HLA-DMB: variants seen among roughly 807,000 people sequenced by gnomAD.
HLA-DMB encodes the protein HLA class II histocompatibility antigen, DM beta chain.
In HLA-DMB, 18 loss-of-function variants were observed where a neutral mutation model predicts 29.3. The observed-to-expected ratio is 0.62, with a 90% CI of 0.43 to 0.91. HLA-DMB has a LOEUF of 0.91. HLA-DMB is among the 40% of genes least tolerant of loss of function. HLA-DMB has a pLI of 0.00. For synonymous variants in HLA-DMB, 143 were observed against 128.7 expected, an observed-to-expected ratio of 1.11 and a Z score of -0.75; for missense variants, 258 against 320.9, an observed-to-expected ratio of 0.80 and a Z score of 1.50.
intron 1 of HLA-DMB, 64 bp from the exon 2 acceptor site, chr6:32,939,029 A>T (rs183828064): frequency 1.0e-6 from 1 of 956,594 alleles, no homozygotes; most frequent in East Asian, 3.3e-5. Flanking sequence ...TAAATAAATA[A>T]ATATATAAAT....
chr6:32,937,216 A>C lies in HLA-DMB; in HGVS notation c.578T>G (p.Val193Gly). Residue 193 changes from valine to glycine, a missense_variant, in exon 3 of 6, where the codon GTG (valine) becomes GGG (glycine). Val to Gly is a moderately radical substitution (Grantham distance 109, BLOSUM62 -3). Coordinates refer to ENST00000418107, the MANE Select transcript of HLA-DMB (RefSeq NM_002118.5). This position sits in a 1 kb window ranked among gnomAD's most constrained non-coding sequence, Gnocchi z 4.1. ...CTCAGGAGCCCCAGTGTGCTCTACCACACAGGTGTAAGTGTCCCCGTAAGA... is the reference window on the plus strand; with the variant it reads ...CTCAGGAGCCCCAGTGTGCTCTACCCCACAGGTGTAAGTGTCCCCGTAAGA... ...TPSYGDTYTCVVEHTGAPEPI... is the reference protein window; with the variant it reads ...TPSYGDTYTCGVEHTGAPEPI... 6.2e-7 allele frequency: 1 copy of C among 1,611,846 alleles called. No homozygotes were observed. Among genetic ancestry groups the C allele is most frequent in the Non-Finnish European group, 8.5e-7 (1 of 1,178,290 alleles).
chr6:32,938,449 C>T, intron 2 of HLA-DMB: 1 of 406,762 alleles, frequency 2.5e-6, no homozygotes, highest in Non-Finnish European at 4.3e-6. Flanking sequence ...GCATAAGCTC[C>T]CCACATGGCA....
Position 32,938,673 on chromosome 6 carries a change from T to G in HLA-DMB, c.337+11A>C. On this transcript the variant is annotated intron_variant, in intron 2 of 5. Transcript: ENST00000418107. ...CTTCCTGGTAGCCCCTCTGCACCCC[T>G]CTCTCCTCACGTGTCCTGTTGGTCA... is the stretch of plus-strand genomic sequence containing the variant. 6.8e-7 allele frequency: 1 copy of G among 1,480,774 alleles called. No individual in the cohort carries two copies. The highest frequency in any genetic ancestry group is 9.0e-7 in the Non-Finnish European group (1 of 1,108,706). The allele number at this position is 1,480,774 out of a possible 1,614,324, so 91.7% of individuals were successfully genotyped here.
intron 3 of HLA-DMB, chr6:32,936,017 G>A (rs543972896): frequency 4.0e-5 from 10 of 251,190 alleles, no homozygotes; most frequent in South Asian, 3.1e-4. Context: ...AACAATGTTT[G>A]CTTCCTTACT....
At chr6:32,936,016 T>G (rs1451048252) in intron 3 of HLA-DMB, 1 of 254,956 alleles carries the variant, frequency 3.9e-6, no homozygotes, top group Non-Finnish European at 7.5e-6. Context: ...TAACAATGTT[T>G]GCTTCCTTAC....
intron 1 of HLA-DMB, among the ~76,000 whole-genome samples, chr6:32,939,630 G>A (rs1052614646): frequency 6.6e-6 from 1 of 152,162 alleles, no homozygotes; most frequent in African/African-American, 2.4e-5. Context: ...GATATGGAAT[G>A]TTTCCAACAC....
intron 1 of HLA-DMB, among the ~76,000 whole-genome samples, chr6:32,940,432 T>C (rs1776286297): frequency 2.0e-5 from 3 of 152,196 alleles, no homozygotes; most frequent in Non-Finnish European, 4.4e-5. Flanking sequence ...GTCAGCCTTG[T>C]ATTGTGCTGG....
intron 1 of HLA-DMB, among the ~76,000 whole-genome samples, chr6:32,939,938 G>T (rs984120676): frequency 6.6e-6 from 1 of 151,876 alleles, no homozygotes; most frequent in Non-Finnish European, 1.5e-5. Context: ...CAGTCTTATG[G>T]GACTGAGTCT....
rs763641942 is a variant in HLA-DMB, at chr6:32,938,891, T to C, written c.130A>G (p.Ile44Val). The C allele has an allele frequency of 6.2e-7, 1 of 1,611,496 alleles. No homozygotes were observed. The highest frequency in any genetic ancestry group is 8.5e-7 in the Non-Finnish European group (1 of 1,179,402). Residue 44 changes from isoleucine (I) to valine (V), a missense_variant, in exon 2 of 6, where the codon ATC becomes GTC. Ile to Val is a conservative substitution (Grantham distance 29). Transcript: ENST00000418107. ...GTCAGCAGATCCTTGTTGAAGGAGATGCAGTATGTGAAATCCTTTGGAGTC... is the reference window on the plus strand; with the variant it reads ...GTCAGCAGATCCTTGTTGAAGGAGACGCAGTATGTGAAATCCTTTGGAGTC... ...AGTPKDFTYCISFNKDLLTCW... is the reference protein window; with the variant it reads ...AGTPKDFTYCVSFNKDLLTCW...
rs1775907743 is a variant in HLA-DMB, at chr6:32,934,889, T to A, written c.*82A>T. On this transcript the variant is annotated 3_prime_UTR_variant, in exon 6 of 6. Transcript: ENST00000418107. ...TAGGATCCAAGATAATGTCAGGGGG[T>A]TGAAGATGTTGGAGAGGCATGGTAG... 7.8e-7 allele frequency: 1 copy of A among 1,282,928 alleles called. No homozygotes were observed. Among genetic ancestry groups the A allele is most frequent in the Non-Finnish European group, 1.1e-6 (1 of 880,850 alleles). 79.5% of individuals were successfully genotyped at this position (1,282,928 alleles called of 1,614,324 possible). A position where few individuals can be genotyped will look rare whatever the true frequency, so the allele number is the denominator to read the frequency against.
At chr6:32,936,038 G>T in intron 3 of HLA-DMB, 1 of 224,666 alleles carries the variant, frequency 4.5e-6, no homozygotes, top group Non-Finnish European at 8.8e-6. Flanking sequence ...TTCTCCAACT[G>T]AGCAGCTTCC....
At chr6:32,936,937 G>C in intron 3 of HLA-DMB, 1 of 364,070 alleles carries the variant, frequency 2.7e-6, no homozygotes, top group Non-Finnish European at 4.9e-6. Context: ...TGGTGCAAAA[G>C]TAATTGCGGT....
At position 32,938,836 on chromosome 6, in the gene HLA-DMB, G is replaced by T. The variant is rs1776173194; in HGVS notation, c.185C>A (p.Ala62Asp). Reference protein sequence around the residue: ...TCWDPEENKMAPCEFGVLNSL... With the variant: ...TCWDPEENKMDPCEFGVLNSL... ...ATTCAGCACCCCAAATTCGCAAGGG[G>T]CCATCTTATTCTCCTCTGGATCCCA... Residue 62 changes from alanine to aspartate, a missense_variant, in exon 2 of 6, where the codon GCC (alanine) becomes GAC (aspartate). Coordinates refer to ENST00000418107, the MANE Select transcript of HLA-DMB (RefSeq NM_002118.5). 3 of 1,612,172 alleles carry T rather than the reference G, an allele frequency of 1.9e-6. No individual in the cohort carries two copies. The highest frequency in any genetic ancestry group is 2.5e-6 in the Non-Finnish European group (3 of 1,179,656).
chr6:32,939,967 G>A (rs1776252383), intron 1 of HLA-DMB, among the ~76,000 whole-genome samples: 1 of 149,800 alleles, frequency 6.7e-6, no homozygotes, highest in South Asian at 2.1e-4. Flanking sequence ...TGGTGTCTAT[G>A]TTAACTCTAG....
intron 1 of HLA-DMB, among the ~76,000 whole-genome samples, chr6:32,939,350 T>C (rs1021972799): frequency 2.0e-5 from 3 of 152,200 alleles, no homozygotes; most frequent in Non-Finnish European, 2.9e-5. Context: ...GAAGCCTCCA[T>C]AAAAATCCCG....
Position 32,937,378 on chromosome 6 carries a change from C to T in HLA-DMB, c.416G>A (p.Gly139Asp). The T allele has an allele frequency of 1.9e-6, 3 of 1,614,164 alleles. No homozygotes were observed. The highest frequency in any genetic ancestry group is 2.5e-6 in the Non-Finnish European group (3 of 1,180,022). The change falls in exon 3 of 6, where the codon GGC becomes GAC. Residue 139 changes from glycine (G) to aspartate (D), a missense_variant. Transcript: ENST00000418107. This position sits in a 1 kb window ranked among gnomAD's most constrained non-coding sequence, Gnocchi z 4.1. The stretch of plus-strand genomic sequence containing the variant: ...GATAGTCACTTCTGCTGGATAGAAG[C>T]CCCACACATAGCAGGCCAGCATCAC... ...EPVMLACYVW[G>D]FYPAEVTITW...
At chr6:32,935,018 G>A in intron 5 of HLA-DMB, 31 bp from the exon 6 acceptor site, 3 of 1,612,180 alleles carry the variant, frequency 1.9e-6, no homozygotes, top group Non-Finnish European at 2.5e-6. Context: ...AGATAATGAG[G>A]CTTCAACCCA....
rs2127466392 is a variant in HLA-DMB at position 32,934,907 on chromosome 6, C to T, written c.*64G>A. ...CAGGGGGTTGAAGATGTTGGAGAGGCATGGTAGCATCATTGAGTTTGAATC... is the reference window on the plus strand; with the variant it reads ...CAGGGGGTTGAAGATGTTGGAGAGGTATGGTAGCATCATTGAGTTTGAATC... On this transcript the variant is annotated 3_prime_UTR_variant, in exon 6 of 6. Coordinates refer to ENST00000418107, the MANE Select transcript of HLA-DMB (RefSeq NM_002118.5). 6.9e-7 allele frequency: 1 copy of T among 1,455,180 alleles called. No homozygotes were observed. The allele number at this position is 1,455,180 out of a possible 1,614,324, so 90.1% of individuals were successfully genotyped here.
chr6:32,935,440 T>C (rs2127466953), intron 4 of HLA-DMB, 63 bp from the exon 5 acceptor site: 2 of 1,515,302 alleles, frequency 1.3e-6, no homozygotes, highest in Non-Finnish European at 1.8e-6. Flanking sequence ...GCAGTATTCA[T>C]AGCAAATGCA....
Sources: gnomAD v4.1 joint callset for allele counts (sites outside exome capture counted in the v4.1 genomes callset) on GRCh38, gnomAD v4.1.1 for gene constraint, Gnocchi (gnomAD v3.1) non-coding constraint, MANE v1.5 for transcripts, NCBI Gene and HGNC (gene_info 2026-07-23, HGNC 2026-07-21) for gene names.